Variants in DLG2 observed in about 807,000 individuals in gnomAD.
The protein encoded by DLG2 is disks large homolog 2.
Under a neutral mutation model 132.5 loss-of-function variants are expected in DLG2, and 45 were observed. The ratio of observed to expected loss-of-function variants is 0.34; its 90% CI spans 0.27 to 0.44. The LOEUF is 0.44. DLG2 is among the 20% of genes least tolerant of loss of function. The pLI, the probability that DLG2 is intolerant of heterozygous loss-of-function variation, is 1.00. For missense variants in DLG2, 1,045 were observed against 1,196.9 expected, an observed-to-expected ratio of 0.87 and a Z score of 1.87; for synonymous variants, 424 against 419.6, an observed-to-expected ratio of 1.01 and a Z score of -0.13.
At chr11:84,678,771 G>C (rs2099721399) in intron 6 of DLG2, among the ~76,000 whole-genome samples, 1 of 152,040 alleles carries the variant, frequency 6.6e-6, no homozygotes, top group African/African-American at 2.4e-5. Flanking sequence ...ATAGTGGAAT[G>C]TCTTTTGAAC....
chr11:84,335,770 T>C (rs2098481880), intron 7 of DLG2, among the ~76,000 whole-genome samples: 1 of 152,220 alleles, frequency 6.6e-6, no homozygotes, highest in Non-Finnish European at 1.5e-5. Flanking sequence ...TAATGATGTT[T>C]ACCTCTTAGG....
intron 8 of DLG2, among the ~76,000 whole-genome samples, chr11:84,190,783 T>A (rs535451735): frequency 4.6e-5 from 7 of 152,276 alleles, no homozygotes; most frequent in African/African-American, 1.7e-4. Flanking sequence ...TTCCTTCCAA[T>A]CAAAATTACT....
chr11:85,470,214 T>G (rs1048831191), intron 3 of DLG2, among the ~76,000 whole-genome samples: 1 of 148,024 alleles, frequency 6.8e-6, no homozygotes, highest in African/African-American at 2.5e-5. Context: ...TCTACTTGGT[T>G]TTTTTTTTTA....
intron 8 of DLG2, among the ~76,000 whole-genome samples, chr11:84,175,557 C>T (rs986532556): frequency 6.6e-6 from 1 of 152,052 alleles, no homozygotes; most frequent in Admixed American, 6.6e-5. Context: ...AGCTGCATCC[C>T]TTTTCATCTA....
intron 6 of DLG2, among the ~76,000 whole-genome samples, chr11:84,580,428 T>A (rs973450756): frequency 1.3e-5 from 2 of 152,206 alleles, no homozygotes; most frequent in Non-Finnish European, 2.9e-5. Flanking sequence ...CTACATTAAC[T>A]CTTGAGACGT....
rs139802770 is a variant in DLG2 at position 84,934,862 on chromosome 11, T to C, written c.357+176799A>G. 3.8e-4 allele frequency among the ~76,000 whole-genome samples: 58 copies of C among 152,210 alleles called. No individual in the cohort carries two copies. The East Asian group carries it at 9.9e-3, about 26-fold the overall frequency. Reference sequence around the variant, plus strand: ...TTGTTAATTCCATTACATCTTATTATCACTTCTGTGATGATAACTTCCAAG... The same window carrying C: ...TTGTTAATTCCATTACATCTTATTACCACTTCTGTGATGATAACTTCCAAG... On this transcript the variant is annotated intron_variant, in intron 6 of 27. Coordinates refer to ENST00000376104, the MANE Select transcript of DLG2 (RefSeq NM_001142699.3).
intron 9 of DLG2, among the ~76,000 whole-genome samples, chr11:84,105,279 C>A (rs1369238645): frequency 6.6e-6 from 1 of 152,160 alleles, no homozygotes; most frequent in Non-Finnish European, 1.5e-5. Flanking sequence ...GGTTTGCACA[C>A]TGGCTCTGCC....
intron 6 of DLG2, among the ~76,000 whole-genome samples, chr11:84,815,894 T>A (rs1470694851): frequency 6.6e-6 from 1 of 151,948 alleles, no homozygotes; most frequent in African/African-American, 2.4e-5. Flanking sequence ...CTAAAGTGCA[T>A]CCATTGCATT....
chr11:83,716,246 A>G (rs555858285), intron 18 of DLG2, among the ~76,000 whole-genome samples: 1 of 152,296 alleles, frequency 6.6e-6, no homozygotes, highest in South Asian at 2.1e-4. Flanking sequence ...ACATATCAAT[A>G]AATCTATTTC....
intron 7 of DLG2, among the ~76,000 whole-genome samples, chr11:84,430,113 C>T (rs2098979625): frequency 6.6e-6 from 1 of 152,108 alleles, no homozygotes; most frequent in Admixed American, 6.6e-5. Flanking sequence ...GGCAAAATCC[C>T]ATAACATCTT....
At chr11:84,308,504 C>A (rs7130515) in intron 7 of DLG2, among the ~76,000 whole-genome samples, 1 of 152,194 alleles carries the variant, frequency 6.6e-6, no homozygotes, top group Non-Finnish European at 1.5e-5. Context: ...GGATCCCGCA[C>A]GGGGGCCACA....
At chr11:83,569,380 C>T (rs494071) in intron 19 of DLG2, among the ~76,000 whole-genome samples, 72,389 of 151,914 alleles carry the variant, frequency 0.48, 17,882 homozygotes, top group Admixed American at 0.57. Context: ...CAGTACAGAT[C>T]AAGTATCAGA....
At chr11:83,689,999 A>G (rs2080660934) in intron 18 of DLG2, among the ~76,000 whole-genome samples, 1 of 144,232 alleles carries the variant, frequency 6.9e-6, no homozygotes, top group African/African-American at 2.5e-5. Context: ...TTATAATATT[A>G]TATTTATTAT....
chr11:83,998,992 G>C (rs1317839350), intron 11 of DLG2, among the ~76,000 whole-genome samples: 1 of 152,164 alleles, frequency 6.6e-6, no homozygotes, highest in Non-Finnish European at 1.5e-5. Flanking sequence ...AAGAATTGAG[G>C]CATGAGTGCT....
intron 19 of DLG2, among the ~76,000 whole-genome samples, chr11:83,599,262 G>A (rs563993049): frequency 5.9e-5 from 9 of 152,118 alleles, no homozygotes; most frequent in South Asian, 2.1e-4. Flanking sequence ...ATCACCTCTC[G>A]GACTTCCCCT....
chr11:84,846,932 G>C (rs1269602130), intron 6 of DLG2, among the ~76,000 whole-genome samples: 1 of 152,048 alleles, frequency 6.6e-6, no homozygotes, highest in Non-Finnish European at 1.5e-5. Flanking sequence ...ACTACATATA[G>C]AGAAAAAGAG....
At chr11:84,114,526 T>C (rs1175422957) in intron 9 of DLG2, among the ~76,000 whole-genome samples, 2 of 152,168 alleles carry the variant, frequency 1.3e-5, no homozygotes, top group African/African-American at 2.4e-5. Flanking sequence ...CATAGTTGAA[T>C]GCTTATCAAA....
intron 7 of DLG2, among the ~76,000 whole-genome samples, chr11:84,467,828 C>T (rs2099098442): frequency 6.6e-6 from 1 of 151,426 alleles, no homozygotes; most frequent in South Asian, 2.1e-4. Context: ...CTGCAACTTA[C>T]TTTCAAATTG....
chr11:83,974,818 CT>C (rs1327007684), intron 12 of DLG2, among the ~76,000 whole-genome samples: 1 of 152,034 alleles, frequency 6.6e-6, no homozygotes, highest in Non-Finnish European at 1.5e-5. Context: ...TGAAATCCAG[CT>C]TTCTCATCTG....
Sources: gnomAD v4.1 joint callset for allele counts (sites outside exome capture counted in the v4.1 genomes callset) on GRCh38, gnomAD v4.1.1 for gene constraint, MANE v1.5 for transcripts, NCBI Gene and HGNC (gene_info 2026-07-23, HGNC 2026-07-21) for gene names.